Variants in PNKD observed in about 807,000 individuals in gnomAD.
PNKD encodes the protein probable thioesterase PNKD.
PNKD carries 36 observed loss-of-function variants against 45.3 expected under a neutral mutation model. That is an observed-to-expected ratio of 0.80 (90% CI 0.61 to 1.05). The LOEUF (loss-of-function observed/expected upper bound fraction) is 1.05, where lower values mean the gene tolerates loss of function less well. PNKD is among the 50% of genes least tolerant of loss of function. PNKD has a pLI of 0.00. For missense variants in PNKD, 511 were observed against 506.6 expected (o/e 1.01, Z -0.08); for synonymous variants, 197 against 210.1 (o/e 0.94, Z 0.54).
chr2:218,279,346 G>T, intron 2 of PNKD: 1 of 1,578,990 alleles, frequency 6.3e-7, no homozygotes, highest in Non-Finnish European at 8.6e-7. Context: ...GGAGATGATG[G>T]AGTAAACCTG....
intron 2 of PNKD, chr2:218,280,805 C>CTTTTTTTTTTT (rs950294415): frequency 9.6e-6 from 1 of 104,040 alleles, no homozygotes; most frequent in Non-Finnish European, 1.8e-5. Flanking sequence ...ACCTCATTTC[C>CTTTTTTTTTTT]TTTTTTTTTT....
intron 2 of PNKD, among the ~76,000 whole-genome samples, chr2:218,291,764 A>C (rs548552422): frequency 6.6e-6 from 1 of 151,984 alleles, no homozygotes; most frequent in African/African-American, 2.4e-5. Flanking sequence ...TTTTCACTCT[A>C]ACCCAAAGAA....
chr2:218,279,498 C>T, intron 2 of PNKD: 1 of 632,556 alleles, frequency 1.6e-6, no homozygotes, highest in Middle Eastern at 4.4e-4. Flanking sequence ...AGATGCCTGG[C>T]TCAGAGGCAA....
Position 218,342,054 on chromosome 2 carries a change from CA to C in PNKD, c.693del (p.Gly232AlafsTer41), listed in dbSNP as rs773192502. 2.1e-5 allele frequency: 34 copies of C among 1,612,638 alleles called. No homozygotes were observed. The highest frequency in any genetic ancestry group is 2.9e-5 in the Non-Finnish European group (34 of 1,178,580). On this transcript the variant is annotated frameshift_variant, in exon 7 of 10. Coordinates refer to ENST00000273077, the MANE Select transcript of PNKD (RefSeq NM_015488.5). LOFTEE classifies it high-confidence loss of function. The stretch of plus-strand genomic sequence containing the variant: ...GGCCCTGGCTACACCTGGCCACACA[CA>C]AGGCCATCTGGTCTACCTACTGGAT... Reference protein sequence around the residue: ...IRALATPGHTQGHLVYLLDGE... With the variant: ...IRALATPGHTXGHLVYLLDGE...
At chr2:218,293,145 C>T (rs1054078351) in intron 2 of PNKD, among the ~76,000 whole-genome samples, 3 of 152,224 alleles carry the variant, frequency 2.0e-5, no homozygotes, top group Admixed American at 6.5e-5. Flanking sequence ...AATTACTCAA[C>T]CAGGAAAGCA....
Position 218,271,503 on chromosome 2 carries a change from C to A in PNKD, c.190C>A (p.Pro64Thr). 2.5e-6 allele frequency: 4 copies of A among 1,614,154 alleles called. No individual in the cohort carries two copies. The highest frequency in any genetic ancestry group is 3.4e-6 in the Non-Finnish European group (4 of 1,180,002). ...CCTATCCCCGGAGCTGGAATACATT[C>A]CCAGAAAGAGGGGCAAGAACCCCAT... ...EPLSPELEYI[P>T]RKRGKNPMKA... The change falls in exon 2 of 10, where the codon CCC becomes ACC. Residue 64 changes from proline (P) to threonine (T), a missense_variant. Pro to Thr is a conservative substitution (Grantham distance 38). Coordinates refer to ENST00000273077, the MANE Select transcript of PNKD (RefSeq NM_015488.5).
intron 2 of PNKD, among the ~76,000 whole-genome samples, chr2:218,289,635 A>AAAC (rs1421889653): frequency 1.4e-3 from 217 of 151,048 alleles, no homozygotes; most frequent in Non-Finnish European, 2.9e-3. Flanking sequence ...GAAAAAAAAA[A>AAAC]AAAAAAAAAA....
Position 218,341,534 on chromosome 2 carries a change from G to T in PNKD, c.525G>T (p.Trp175Cys). The T allele has an allele frequency of 6.3e-7, 1 of 1,593,328 alleles. No individual in the cohort carries two copies. The highest frequency in any genetic ancestry group is 8.6e-7 in the Non-Finnish European group (1 of 1,169,318). The change falls in exon 6 of 10, where the codon TGG becomes TGT. Residue 175 changes from tryptophan (W) to cysteine (C), a missense_variant and splice_region_variant. Coordinates refer to ENST00000273077, the MANE Select transcript of PNKD (RefSeq NM_015488.5). ...CCTGCCTGTCTCTGCTGTCCTGCAG[G>T]GACCACAGTGGAGGGAACCGTGACC... Reference protein sequence around the residue: ...LVAILCTHKHWDHSGGNRDLS... With the variant: ...LVAILCTHKHCDHSGGNRDLS...
chr2:218,323,051 GCGGAGCCA>G, intron 2 of PNKD: 1 of 676,360 alleles, frequency 1.5e-6, no homozygotes, highest in Non-Finnish European at 2.1e-6. Context: ...CGCCAGCCGG[GCGGAGCCA>G]GGCCGCCCCC....
At chr2:218,273,337 C>T (rs1272561) in intron 2 of PNKD, among the ~76,000 whole-genome samples, 1 of 152,046 alleles carries the variant, frequency 6.6e-6, no homozygotes, top group Non-Finnish European at 1.5e-5. Context: ...GTGTTGTGAT[C>T]GTCAGCTCAC....
chr2:218,271,673 G>T lies in PNKD; in HGVS notation c.236+124G>T. The T allele has an allele frequency of 3.7e-6, 3 of 815,250 alleles. No individual in the cohort carries two copies. The South Asian group carries it at 5.2e-5, about 14-fold the overall frequency. 50.5% of individuals were successfully genotyped at this position (815,250 alleles called of 1,614,324 possible). On this transcript the variant is annotated intron_variant, in intron 2 of 9. Transcript: ENST00000273077. The stretch of plus-strand genomic sequence containing the variant: ...CAAAGTTGTGGGAACAGAATTGTTG[G>T]GTTCGATTGGAATCTCAGAGGGGTG...
At position 218,303,237 on chromosome 2, in the gene PNKD, C is replaced by A. The variant is rs185851301; in HGVS notation, c.236+31688C>A. 3.9e-3 allele frequency among the ~76,000 whole-genome samples: 595 copies of A among 152,244 alleles called. 5 individuals carry two copies. Among genetic ancestry groups the A allele is most frequent in the African/African-American group, 0.011 (472 of 41,540 alleles). ...CCTTGGGATTACAGGTGTGAGCCAC[C>A]AGCCCAGCCCTGAACCAGTCTTTCA... On this transcript the variant is annotated intron_variant, in intron 2 of 9. Transcript: ENST00000273077.
chr2:218,278,606 T>G (rs1484089959), intron 2 of PNKD: 1 of 1,610,670 alleles, frequency 6.2e-7, no homozygotes, highest in African/African-American at 1.3e-5. Context: ...GGCCCAAATC[T>G]GCCCCGCTTG....
intron 2 of PNKD, chr2:218,272,488 T>TGAA: frequency 6.2e-6 from 8 of 1,280,850 alleles, no homozygotes; most frequent in Non-Finnish European, 9.1e-6. Flanking sequence ...ATGCAACTGA[T>TGAA]GAAGCTAGAA....
chr2:218,341,893 T>C, intron 6 of PNKD, 88 bp from the exon 7 acceptor site: 1 of 1,114,794 alleles, frequency 9.0e-7, no homozygotes, highest in Non-Finnish European at 1.4e-6. Flanking sequence ...CTCTTGTGAA[T>C]CACCCAGCCC....
intron 2 of PNKD, among the ~76,000 whole-genome samples, chr2:218,284,822 G>A (rs1692369841): frequency 6.6e-6 from 1 of 152,218 alleles, no homozygotes; most frequent in African/African-American, 2.4e-5. Flanking sequence ...TGGGCACAGT[G>A]GCTCACGCCT....
At chr2:218,323,183 A>G (rs1375004103) in intron 2 of PNKD, 1 of 1,378,492 alleles carries the variant, frequency 7.3e-7, no homozygotes. Flanking sequence ...CAGAGCCGGC[A>G]GGCAGGTTCC....
chr2:218,323,657 G>A (rs1319553597), intron 2 of PNKD, among the ~76,000 whole-genome samples: 1 of 152,128 alleles, frequency 6.6e-6, no homozygotes, highest in Non-Finnish European at 1.5e-5. Flanking sequence ...GGATCGGAGA[G>A]GCGGGCCAGG....
At chr2:218,337,653 G>A (rs943650150) in intron 2 of PNKD, among the ~76,000 whole-genome samples, 8 of 152,136 alleles carry the variant, frequency 5.3e-5, no homozygotes, top group African/African-American at 9.7e-5. Context: ...GTGTGCACTC[G>A]CCTTGTACTT....
Sources: gnomAD v4.1 joint callset for allele counts (sites outside exome capture counted in the v4.1 genomes callset) on GRCh38, gnomAD v4.1.1 for gene constraint, MANE v1.5 for transcripts, NCBI Gene and HGNC (gene_info 2026-07-23, HGNC 2026-07-21) for gene names.